Variants in SGCZ observed in about 807,000 individuals in gnomAD.
The protein encoded by SGCZ is sarcoglycan zeta, also known as zeta-sarcoglycan.
In SGCZ, 40 loss-of-function variants were observed where a neutral mutation model predicts 41.3. That is an observed-to-expected ratio of 0.97 (90% CI 0.75 to 1.26). The LOEUF (loss-of-function observed/expected upper bound fraction) is 1.26, where lower values mean the gene tolerates loss of function less well. Among genes scored for constraint, SGCZ ranks in the 50% most tolerant of loss-of-function variants. The pLI is 0.00. For synonymous variants in SGCZ, 206 were observed against 137.5 expected (o/e 1.50, Z -3.49); for missense variants, 552 against 369.8 (o/e 1.49, Z -4.04).
chr8:15,071,798 A>G (rs1456828379), intron 1 of SGCZ, among the ~76,000 whole-genome samples: 2 of 152,194 alleles, frequency 1.3e-5, no homozygotes, highest in African/African-American at 2.4e-5. Flanking sequence ...CACAAAAAAA[A>G]GCTTAGGAAG....
At chr8:14,907,761 A>G (rs1799162829) in intron 1 of SGCZ, among the ~76,000 whole-genome samples, 1 of 152,208 alleles carries the variant, frequency 6.6e-6, no homozygotes, top group South Asian at 2.1e-4. Context: ...TATAAGCTAC[A>G]TGCACAGAAA....
intron 1 of SGCZ, among the ~76,000 whole-genome samples, chr8:15,127,261 A>AACAC (rs376177614): frequency 3.6e-5 from 2 of 55,368 alleles, no homozygotes; most frequent in Admixed American, 2.0e-4. Flanking sequence ...CACACAAACA[A>AACAC]ACACACACAC....
At chr8:14,655,886 T>G (rs977696636) in intron 1 of SGCZ, among the ~76,000 whole-genome samples, 1 of 152,068 alleles carries the variant, frequency 6.6e-6, no homozygotes, top group South Asian at 2.1e-4. Context: ...GTGGTTGCCT[T>G]TTTTACTCAG....
intron 4 of SGCZ, among the ~76,000 whole-genome samples, chr8:14,221,076 G>C (rs11780410): frequency 0.71 from 107,275 of 151,862 alleles, 38,643 homozygotes; most frequent in African/African-American, 0.83. Context: ...CAGAGGCTAG[G>C]AGCCTTGACG....
intron 1 of SGCZ, among the ~76,000 whole-genome samples, chr8:14,599,343 G>C (rs1467969113): frequency 6.6e-6 from 1 of 151,720 alleles, no homozygotes; most frequent in Non-Finnish European, 1.5e-5. Flanking sequence ...TGCTTTTTTT[G>C]TATTCACTTG....
At chr8:15,078,575 G>C (rs1052901735) in intron 1 of SGCZ, among the ~76,000 whole-genome samples, 1 of 151,928 alleles carries the variant, frequency 6.6e-6, no homozygotes, top group African/African-American at 2.4e-5. Context: ...GAGTCCATTG[G>C]TGAGTGCTTT....
chr8:14,242,498 C>G (rs1424246548), intron 3 of SGCZ, among the ~76,000 whole-genome samples: 1 of 152,122 alleles, frequency 6.6e-6, no homozygotes, highest in Non-Finnish European at 1.5e-5. Flanking sequence ...GCATCATAGT[C>G]TCTTCATCTG....
At chr8:14,759,775 C>T (rs572239827) in intron 1 of SGCZ, among the ~76,000 whole-genome samples, 1 of 152,048 alleles carries the variant, frequency 6.6e-6, no homozygotes, top group Admixed American at 6.6e-5. Flanking sequence ...AAGGACACCA[C>T]AATATTTAAA....
chr8:14,249,648 T>C (rs548706189), intron 3 of SGCZ, among the ~76,000 whole-genome samples: 2 of 152,270 alleles, frequency 1.3e-5, no homozygotes, highest in South Asian at 4.1e-4. Flanking sequence ...GCAGGAGAAA[T>C]ATTAGAGATA....
At chr8:15,035,232 T>C (rs1419598896) in intron 1 of SGCZ, among the ~76,000 whole-genome samples, 2 of 152,160 alleles carry the variant, frequency 1.3e-5, no homozygotes, top group Non-Finnish European at 2.9e-5. Flanking sequence ...AGTAAAAGCA[T>C]ACAGTGTTTA....
chr8:14,813,574 C>G (rs1018569754), intron 1 of SGCZ, among the ~76,000 whole-genome samples: 3 of 152,212 alleles, frequency 2.0e-5, no homozygotes. Flanking sequence ...AAATCTTGCT[C>G]TGAAATTCCA....
intron 1 of SGCZ, among the ~76,000 whole-genome samples, chr8:14,637,510 C>T (rs1351010082): frequency 6.6e-6 from 1 of 151,634 alleles, no homozygotes; most frequent in East Asian, 2.0e-4. Flanking sequence ...TCTATTGTTC[C>T]CATCTTTACA....
chr8:14,710,256 A>G (rs28628637), intron 1 of SGCZ, among the ~76,000 whole-genome samples: 8,128 of 151,728 alleles, frequency 0.054, 735 homozygotes, highest in African/African-American at 0.18. Flanking sequence ...TGTAGTCCCC[A>G]CTACGCCGGA....
intron 2 of SGCZ, among the ~76,000 whole-genome samples, chr8:14,327,231 C>T (rs1239685487): frequency 6.6e-6 from 1 of 152,142 alleles, no homozygotes; most frequent in Non-Finnish European, 1.5e-5. Context: ...AGAGCATTTT[C>T]AGGCATGATA....
At chr8:14,957,710 T>G (rs1800836111) in intron 1 of SGCZ, among the ~76,000 whole-genome samples, 1 of 152,022 alleles carries the variant, frequency 6.6e-6, no homozygotes, top group Admixed American at 6.6e-5. Context: ...ACGGCAAATT[T>G]TATATATTGC....
intron 4 of SGCZ, among the ~76,000 whole-genome samples, chr8:14,224,580 ATATT>A (rs34845617): frequency 0.035 from 5,362 of 152,270 alleles, 138 homozygotes; most frequent in African/African-American, 0.074. Flanking sequence ...TTATGCTAAA[ATATT>A]TATTTATTAC....
chr8:14,474,201 T>G (rs1215858082), intron 2 of SGCZ, among the ~76,000 whole-genome samples: 1 of 152,218 alleles, frequency 6.6e-6, no homozygotes, highest in Admixed American at 6.5e-5. Context: ...TCACAACTGA[T>G]GTACTAAAGA....
chr8:14,641,587 A>T lies in SGCZ; in HGVS notation c.40-86661T>A, dbSNP rs115452877. Among the ~76,000 whole-genome samples, 924 of 151,766 alleles carry T rather than the reference A, an allele frequency of 6.1e-3. 8 individuals carry two copies. The highest frequency in any genetic ancestry group is 0.021 in the African/African-American group (882 of 41,470). ...GGCACAGAGAAAAACAACATATTAT[A>T]TTTAAAGTAATAGCCAAATATTACT... On this transcript the variant is annotated intron_variant, in intron 1 of 7. Coordinates refer to ENST00000382080, the MANE Select transcript of SGCZ (RefSeq NM_139167.4).
chr8:14,978,122 T>C (rs1169426146), intron 1 of SGCZ, among the ~76,000 whole-genome samples: 1 of 152,002 alleles, frequency 6.6e-6, no homozygotes. Context: ...CTCTATGTCT[T>C]TGCATTTTTA....
Sources: allele counts gnomAD v4.1 joint callset (sites outside exome capture counted in the v4.1 genomes callset), GRCh38; gene constraint gnomAD v4.1.1; transcripts MANE v1.5; gene names NCBI Gene and HGNC (gene_info 2026-07-23, HGNC 2026-07-21).